Variants in SPIRE1 observed in about 807,000 individuals in gnomAD.
SPIRE1 encodes protein spire homolog 1.
Under a neutral mutation model 94.1 loss-of-function variants are expected in SPIRE1, and 40 were observed. The observed-to-expected ratio is 0.43, with a 90% CI of 0.33 to 0.55. The LOEUF is 0.55. SPIRE1 is among the 20% of genes least tolerant of loss of function. The pLI is 0.06. For missense variants in SPIRE1, 838 were observed against 975.2 expected, an observed-to-expected ratio of 0.86 and a Z score of 1.87; for synonymous variants, 376 against 371.7, an observed-to-expected ratio of 1.01 and a Z score of -0.13.
chr18:12,539,753 C>T (rs565156417), intron 3 of SPIRE1, among the ~76,000 whole-genome samples: 66 of 151,654 alleles, frequency 4.4e-4, no homozygotes, highest in Admixed American at 1.5e-3. Context: ...AGTGAAACCC[C>T]GTCTCTACTA....
At chr18:12,551,610 C>T (rs938558029) in intron 2 of SPIRE1, among the ~76,000 whole-genome samples, 12 of 151,438 alleles carry the variant, frequency 7.9e-5, no homozygotes, top group African/African-American at 2.9e-4. Flanking sequence ...GAGGCTGAGG[C>T]GGGAGAATGG....
chr18:12,623,956 C>T (rs1184469695), intron 2 of SPIRE1, among the ~76,000 whole-genome samples: 15 of 145,334 alleles, frequency 1.0e-4, no homozygotes, highest in Non-Finnish European at 1.9e-4. Flanking sequence ...TGGAGTCTCA[C>T]TCTGTCGCCC....
At chr18:12,527,336 T>G (rs781724227) in intron 4 of SPIRE1, among the ~76,000 whole-genome samples, 9 of 151,602 alleles carry the variant, frequency 5.9e-5, no homozygotes, top group Non-Finnish European at 1.3e-4. Context: ...GTGCTTCAGT[T>G]TTTCTATCTA....
At chr18:12,463,301 A>G (rs2143611303) in intron 12 of SPIRE1, 50 bp downstream of exon 12, 5 of 1,486,900 alleles carry the variant, frequency 3.4e-6, no homozygotes, top group Non-Finnish European at 4.5e-6. Context: ...TAATGATTCT[A>G]TGTCTTCTAG....
chr18:12,640,127 C>G (rs918406174), intron 1 of SPIRE1, among the ~76,000 whole-genome samples: 2 of 152,136 alleles, frequency 1.3e-5, no homozygotes, highest in East Asian at 3.8e-4. Flanking sequence ...ATTAAGGTAG[C>G]TACTTATCTT....
At chr18:12,459,141 A>T (rs1038547397) in intron 12 of SPIRE1, among the ~76,000 whole-genome samples, 7 of 152,216 alleles carry the variant, frequency 4.6e-5, no homozygotes, top group African/African-American at 1.7e-4. Context: ...GTGTAAAAAA[A>T]CCTCAAAAAA....
At chr18:12,624,351 T>C (rs2037560779) in intron 2 of SPIRE1, among the ~76,000 whole-genome samples, 2 of 151,574 alleles carry the variant, frequency 1.3e-5, no homozygotes, top group Admixed American at 6.6e-5. Flanking sequence ...GAGACCAACC[T>C]GACCAATATG....
rs112069118 is a variant in SPIRE1 at position 12,595,674 on chromosome 18, T to C, written c.372+39388A>G. Among the ~76,000 whole-genome samples, 47 of 152,314 alleles carry C rather than the reference T, an allele frequency of 3.1e-4. 1 individual carries two copies. The highest frequency in any genetic ancestry group is 1.1e-3 in the African/African-American group (46 of 41,578). On this transcript the variant is annotated intron_variant, in intron 2 of 16. Transcript: ENST00000409402. ...CCTATTTGTATCAGGCACCAAAATA[T>C]AGATACAAAAATAAATGAGGCATAG...
intron 1 of SPIRE1, among the ~76,000 whole-genome samples, chr18:12,647,241 C>T (rs1592641): frequency 0.096 from 14,644 of 152,076 alleles, 812 homozygotes; most frequent in Middle Eastern, 0.17. Context: ...TGGAAAATTT[C>T]TGGCAATATC....
chr18:12,474,885 G>T (rs538142858), intron 10 of SPIRE1, among the ~76,000 whole-genome samples: 1 of 152,238 alleles, frequency 6.6e-6, no homozygotes, highest in South Asian at 2.1e-4. Flanking sequence ...AGGGAAAATG[G>T]GGAAGTAGGT....
At chr18:12,631,625 C>CT (rs2037784628) in intron 2 of SPIRE1, among the ~76,000 whole-genome samples, 1 of 151,086 alleles carries the variant, frequency 6.6e-6, no homozygotes, top group East Asian at 1.9e-4. Flanking sequence ...CCTGTAATCC[C>CT]AACACTTTGG....
At chr18:12,452,656 A>G in intron 14 of SPIRE1, 144 bp from the exon 15 acceptor site, 1 of 831,614 alleles carries the variant, frequency 1.2e-6, no homozygotes. Context: ...ACAAATTGAC[A>G]CACTGAATTG....
chr18:12,517,547 G>A (rs767351346), intron 4 of SPIRE1, among the ~76,000 whole-genome samples: 4 of 151,186 alleles, frequency 2.6e-5, no homozygotes, highest in Non-Finnish European at 5.9e-5. Context: ...TCTTTTTTTT[G>A]CTTGCAGAAA....
At position 12,635,856 on chromosome 18, in the gene SPIRE1, T is replaced by C. The variant is rs187724448; in HGVS notation, c.338-760A>G. 2.0e-5 allele frequency among the ~76,000 whole-genome samples: 3 copies of C among 152,128 alleles called. No homozygotes were observed. The East Asian group carries it at 5.8e-4, about 29-fold the overall frequency. On this transcript the variant is annotated intron_variant, in intron 1 of 16. Transcript: ENST00000409402. ...AATAACACAATTATACAATTAATTATACTGCGTACTAGAAAATTGGGTTTT... is the reference window on the plus strand; with the variant it reads ...AATAACACAATTATACAATTAATTACACTGCGTACTAGAAAATTGGGTTTT...
intron 2 of SPIRE1, among the ~76,000 whole-genome samples, chr18:12,610,665 T>C (rs2037113709): frequency 6.6e-6 from 1 of 152,194 alleles, no homozygotes; most frequent in South Asian, 2.1e-4. Context: ...CTTAAATTCA[T>C]GACCCTGAAT....
At chr18:12,579,974 T>C (rs2036212100) in intron 2 of SPIRE1, among the ~76,000 whole-genome samples, 1 of 152,210 alleles carries the variant, frequency 6.6e-6, no homozygotes, top group Non-Finnish European at 1.5e-5. Flanking sequence ...AAATACTTTC[T>C]TCTCTTGATT....
intron 2 of SPIRE1, among the ~76,000 whole-genome samples, chr18:12,577,476 A>G (rs1417638882): frequency 6.6e-6 from 1 of 152,214 alleles, no homozygotes; most frequent in African/African-American, 2.4e-5. Flanking sequence ...AATGTATCAT[A>G]TATCAAAATA....
At chr18:12,462,740 T>G (rs1449898798) in intron 12 of SPIRE1, among the ~76,000 whole-genome samples, 1 of 151,938 alleles carries the variant, frequency 6.6e-6, no homozygotes, top group Non-Finnish European at 1.5e-5. Context: ...TTGCTAAGAG[T>G]TTTTTTGGTC....
chr18:12,457,884 G>C (rs1175126828), intron 12 of SPIRE1, among the ~76,000 whole-genome samples: 11 of 130,930 alleles, frequency 8.4e-5, no homozygotes, highest in African/African-American at 2.2e-4. Flanking sequence ...TCGCTCTTTC[G>C]CCCAGGCTGG....
Sources: allele counts gnomAD v4.1 joint callset (sites outside exome capture counted in the v4.1 genomes callset), GRCh38; gene constraint gnomAD v4.1.1; transcripts MANE v1.5; gene names NCBI Gene and HGNC (gene_info 2026-07-23, HGNC 2026-07-21).